SYNPO2: variants seen among roughly 807,000 people sequenced by gnomAD.
The protein encoded by SYNPO2 is synaptopodin 2, also known as synaptopodin-2.
SYNPO2 carries 56 observed loss-of-function variants against 85.0 expected under a neutral mutation model. The ratio of observed to expected loss-of-function variants is 0.66; its 90% confidence interval spans 0.53 to 0.82. SYNPO2 has a LOEUF of 0.82. SYNPO2 is among the 40% of genes least tolerant of loss of function. SYNPO2 has a pLI of 0.00. For missense variants in SYNPO2, 1,575 were observed against 1,534.2 expected (o/e 1.03, Z -0.44); for synonymous variants, 602 against 591.1 (o/e 1.02, Z -0.27).
At chr4:118,994,480 G>A (rs1181076855) in intron 1 of SYNPO2, among the ~76,000 whole-genome samples, 1 of 152,222 alleles carries the variant, frequency 6.6e-6, no homozygotes, top group East Asian at 1.9e-4. Flanking sequence ...GTAATTTAAA[G>A]AATTGAGAGA....
chr4:118,908,908 G>A (rs749894617), intron 1 of SYNPO2, among the ~76,000 whole-genome samples: 3 of 152,104 alleles, frequency 2.0e-5, no homozygotes, highest in Non-Finnish European at 4.4e-5. Context: ...ATTGCTTAAA[G>A]ATTCCTGACC....
In SYNPO2 at chr4:118,937,404, C is replaced by T. The variant is rs535751086; in HGVS notation, c.105+48263C>T. ...CTCATCATTAATTCTCAACCAGTGT[C>T]GTTTAGTCTCCATTCTTCCCTAACA... On this transcript the variant is annotated intron_variant, in intron 1 of 4. Transcript: ENST00000307142. Among the ~76,000 whole-genome samples the T allele has an allele frequency of 2.4e-4, 37 of 152,286 alleles. 1 individual carries two copies. The highest frequency in any genetic ancestry group is 1.6e-3 in the Admixed American group (24 of 15,290).
rs28631906 is a variant in SYNPO2 at position 118,948,105 on chromosome 4, A to G, written c.105+58964A>G. Among the ~76,000 whole-genome samples, 1,078 of 152,340 alleles carry G rather than the reference A, an allele frequency of 7.1e-3. 14 individuals are homozygous for G. Among genetic ancestry groups the G allele is most frequent in the African/African-American group, 0.023 (957 of 41,576 alleles). On this transcript the variant is annotated intron_variant, in intron 1 of 4. Transcript: ENST00000307142. The stretch of plus-strand genomic sequence containing the variant: ...TTCCCTCTCTAGAATTTTTGTAACT[A>G]GAGGTTCAAAATGTTTGGTGTTGCG...
At chr4:118,997,664 A>C (rs1736670854) in intron 1 of SYNPO2, among the ~76,000 whole-genome samples, 1 of 152,184 alleles carries the variant, frequency 6.6e-6, no homozygotes, top group Non-Finnish European at 1.5e-5. Flanking sequence ...TCTGCAGTTG[A>C]ATGCACCTGT....
upstream of SYNPO2, among the ~76,000 whole-genome samples, chr4:118,887,720 A>C (rs1283422033): frequency 2.0e-5 from 3 of 152,190 alleles, no homozygotes; most frequent in Non-Finnish European, 4.4e-5. Flanking sequence ...CCTTGTTTTT[A>C]TCAATTAGTC....
chr4:118,916,719 A>ATTT, intron 1 of SYNPO2, among the ~76,000 whole-genome samples: 1 of 101,140 alleles, frequency 9.9e-6, no homozygotes, highest in Non-Finnish European at 2.0e-5. Flanking sequence ...TTCCTCTTTT[A>ATTT]TTTTTCTTTC....
intron 1 of SYNPO2, among the ~76,000 whole-genome samples, chr4:118,997,944 C>A (rs1736679972): frequency 6.6e-6 from 1 of 152,118 alleles, no homozygotes; most frequent in Non-Finnish European, 1.5e-5. Flanking sequence ...GCCCTGTTAT[C>A]TTATTTCCAA....
At chr4:119,013,221 T>C (rs1017634521) in intron 1 of SYNPO2, among the ~76,000 whole-genome samples, 8 of 152,204 alleles carry the variant, frequency 5.3e-5, no homozygotes, top group African/African-American at 1.9e-4. Context: ...GCCTTTGTGT[T>C]CCTTACTGTC....
intron 1 of SYNPO2, among the ~76,000 whole-genome samples, chr4:118,940,509 CATTT>C (rs1461647370): frequency 4.7e-5 from 7 of 150,248 alleles, no homozygotes; most frequent in African/African-American, 1.7e-4. Flanking sequence ...TTTTTTCATT[CATTT>C]GACAAATATG....
intron 1 of SYNPO2, among the ~76,000 whole-genome samples, chr4:118,900,703 C>CTCTCTCTATATA (rs1277981772): frequency 1.6e-3 from 72 of 43,880 alleles, no homozygotes; most frequent in East Asian, 3.8e-3. Context: ...CTCTCTCTCT[C>CTCTCTCTATATA]TATATATATA....
chr4:118,948,104 T>C (rs1734567122), intron 1 of SYNPO2, among the ~76,000 whole-genome samples: 1 of 152,226 alleles, frequency 6.6e-6, no homozygotes, highest in Non-Finnish European at 1.5e-5. Flanking sequence ...TTTTTGTAAC[T>C]AGAGGTTCAA....
At chr4:119,038,800 C>T (rs1260039515) in intron 4 of SYNPO2, among the ~76,000 whole-genome samples, 1 of 152,170 alleles carries the variant, frequency 6.6e-6, no homozygotes, top group Non-Finnish European at 1.5e-5. Flanking sequence ...CAAACCCTTC[C>T]CACCTCAAAG....
chr4:118,877,943 G>A (rs1731958528), intron 1 of SYNPO2, among the ~76,000 whole-genome samples: 1 of 152,124 alleles, frequency 6.6e-6, no homozygotes, highest in African/African-American at 2.4e-5. Flanking sequence ...CGATAGCAAA[G>A]ACTTGGAATC....
Position 119,026,957 on chromosome 4 carries a change from G to A in SYNPO2, c.588G>A (p.Val196=), listed in dbSNP as rs1424056912. 3 of 1,614,152 alleles carry A rather than the reference G, an allele frequency of 1.9e-6. No individual in the cohort carries two copies. Among genetic ancestry groups the A allele is most frequent in the East Asian group, 4.5e-5 (2 of 44,864 alleles). The change falls in exon 3 of 5, where the codon GTG becomes GTA. Residue 196 remains valine, a synonymous_variant. Transcript: ENST00000307142. ...EKVEAVQPGP[V]VELQLSLSQE... ...TAGAAGCGGTACAGCCTGGGCCTGT[G>A]GTTGAGCTGCAACTGTCCCTTTCAC...
At chr4:119,007,235 T>TGTATATAC (rs1737078301) in intron 1 of SYNPO2, among the ~76,000 whole-genome samples, 2 of 48,818 alleles carry the variant, frequency 4.1e-5, no homozygotes, top group African/African-American at 1.9e-4. Flanking sequence ...TATATATATA[T>TGTATATAC]ATATATATAT....
At chr4:119,032,163 G>T in intron 4 of SYNPO2, 136 bp downstream of exon 4, 1 of 1,478,908 alleles carries the variant, frequency 6.8e-7, no homozygotes. Context: ...CTTAATTTCA[G>T]ATATGTCACC....
chr4:118,897,193 A>G (rs550211260), intron 1 of SYNPO2, among the ~76,000 whole-genome samples: 2 of 152,242 alleles, frequency 1.3e-5, no homozygotes, highest in South Asian at 4.2e-4. Flanking sequence ...AGAGAGAAAG[A>G]GTGAGTCGGG....
intron 1 of SYNPO2, among the ~76,000 whole-genome samples, chr4:119,007,249 T>C (rs1423994758): frequency 3.0e-4 from 8 of 26,470 alleles, no homozygotes; most frequent in Non-Finnish European, 7.0e-4. Context: ...TATATATGTA[T>C]ATACATATAT....
chr4:119,037,455 T>A (rs1409410499), intron 4 of SYNPO2: 11 of 1,078,730 alleles, frequency 1.0e-5, no homozygotes, highest in Non-Finnish European at 1.1e-5. Flanking sequence ...AAAGCCATAG[T>A]GTTTTCATTT....
Sources: allele counts gnomAD v4.1 joint callset (sites outside exome capture counted in the v4.1 genomes callset), GRCh38; gene constraint gnomAD v4.1.1; transcripts MANE v1.5; gene names NCBI Gene and HGNC (gene_info 2026-07-23, HGNC 2026-07-21).